HEATR1: variants seen among roughly 807,000 people sequenced by gnomAD.
HEATR1 encodes HEAT repeat containing 1, also known as HEAT repeat-containing protein 1.
Under a neutral mutation model 248.2 loss-of-function variants are expected in HEATR1, and 77 were observed. The observed-to-expected ratio is 0.31, with a 90% confidence interval of 0.26 to 0.37. HEATR1 has a LOEUF of 0.37. Among genes scored for constraint, HEATR1 ranks in the 10% least tolerant of loss-of-function variants. The pLI, the probability that HEATR1 is intolerant of heterozygous loss-of-function variation, is 1.00. For missense variants in HEATR1, 2,420 were observed against 2,504.9 expected (o/e 0.97, Z 0.72); for synonymous variants, 897 against 923.1 (o/e 0.97, Z 0.51).
At position 236,585,087 on chromosome 1, in the gene HEATR1, T is replaced by C; in HGVS notation, c.2179A>G (p.Ile727Val). ...TTCTGCAACAAACTGAAGACTCTTA[T>C]CGCAAATGGAAAGTGGGTTTCTTTT... is the stretch of plus-strand genomic sequence containing the variant. ...SLKETHFPFA[I>V]RVFSLLQKKI... The change falls in exon 17 of 45, where the codon ATA (isoleucine) becomes GTA (valine). Residue 727 changes from isoleucine to valine, a missense_variant. Physicochemically the swap from Ile to Val is conservative, Grantham distance 29. Coordinates refer to ENST00000366582, the MANE Select transcript of HEATR1 (RefSeq NM_018072.6). 3 of 1,614,056 alleles carry C rather than the reference T, an allele frequency of 1.9e-6. No homozygotes were observed. The highest frequency in any genetic ancestry group is 2.5e-6 in the Non-Finnish European group (3 of 1,179,926).
Position 236,592,649 on chromosome 1 carries a change from CAG to C in HEATR1, c.1194-18_1194-17del, listed in dbSNP as rs745434027. 5.6e-6 allele frequency: 5 copies of C among 900,592 alleles called. No individual in the cohort carries two copies. The highest frequency in any genetic ancestry group is 5.0e-5 in the African/African-American group (3 of 59,524). 55.8% of individuals were successfully genotyped at this position (900,592 alleles called of 1,614,324 possible). On this transcript the variant is annotated splice_polypyrimidine_tract_variant and intron_variant, in intron 9 of 44. Coordinates refer to ENST00000366582, the MANE Select transcript of HEATR1 (RefSeq NM_018072.6). ...AAATAGAAGGCTGTAAAAAAAAAAA[CAG>C]AAATATCAGCATACATAAGAGTTAC...
At chr1:236,603,886 A>T in intron 2 of HEATR1, 68 bp downstream of exon 2, 1 of 1,546,182 alleles carries the variant, frequency 6.5e-7, no homozygotes, top group Non-Finnish European at 8.7e-7. Flanking sequence ...CAAGGGGAAA[A>T]AAAAAAAACA....
intron 32 of HEATR1, 81 bp downstream of exon 32, chr1:236,564,417 C>T: frequency 1.6e-6 from 2 of 1,242,598 alleles, no homozygotes; most frequent in Non-Finnish European, 2.2e-6. Flanking sequence ...AGCCATTTAC[C>T]AAGCTACTTC....
rs1487156957 is a variant in HEATR1, at chr1:236,556,090, A to C, written c.5514+10T>G. 1 of 1,614,042 alleles carries C rather than the reference A, an allele frequency of 6.2e-7. No homozygotes were observed. Among genetic ancestry groups the C allele is most frequent in the African/African-American group, 1.3e-5 (1 of 74,916 alleles). On this transcript the variant is annotated intron_variant, in intron 38 of 44. Coordinates refer to ENST00000366582, the MANE Select transcript of HEATR1 (RefSeq NM_018072.6). The stretch of plus-strand genomic sequence containing the variant: ...CTTCTCCAAAGTCTTAATACCCAAT[A>C]AGATCTAACCTTCCAGTTCTTCTCA...
intron 17 of HEATR1, among the ~76,000 whole-genome samples, chr1:236,584,537 A>T (rs1415836813): frequency 6.6e-6 from 1 of 152,232 alleles, no homozygotes; most frequent in Non-Finnish European, 1.5e-5. Context: ...TGCTACCTCA[A>T]AACATGTCAA....
At chr1:236,579,141 G>A (rs754527119) in intron 20 of HEATR1, among the ~76,000 whole-genome samples, 1 of 152,142 alleles carries the variant, frequency 6.6e-6, no homozygotes, top group Non-Finnish European at 1.5e-5. Context: ...AATTTTCGGA[G>A]CACCAATATG....
At chr1:236,568,064 A>G (rs552796716) in intron 29 of HEATR1, among the ~76,000 whole-genome samples, 2 of 152,348 alleles carry the variant, frequency 1.3e-5, no homozygotes, top group African/African-American at 2.4e-5. Context: ...TCACCATTAC[A>G]TTCTTCAAAC....
intron 39 of HEATR1, 29 bp downstream of exon 39, chr1:236,555,776 A>C: frequency 6.2e-7 from 1 of 1,613,886 alleles, no homozygotes; most frequent in South Asian, 1.1e-5. Flanking sequence ...TAACAGCTTT[A>C]GGATTTGGAG....
rs1051631805 is a variant in HEATR1, at chr1:236,603,206, A to G, written c.313T>C (p.Phe105Leu). The G allele has an allele frequency of 1.9e-6, 3 of 1,614,160 alleles. No homozygotes were observed. The highest frequency in any genetic ancestry group is 1.7e-5 in the Admixed American group (1 of 60,014). The part of the protein sequence containing the change: ...SLFLIHLSPY[F>L]LLKPAQKCLE... ...CACTTCTGTGCTGGCTTAAGCAGGA[A>G]GTAAGGCGACAAGTGAATAAGGAAT... Residue 105 changes from phenylalanine to leucine, a missense_variant, in exon 3 of 45, where the codon TTC (phenylalanine) becomes CTC (leucine). Physicochemically the swap from Phe to Leu is conservative, Grantham distance 22 (BLOSUM62 0). Coordinates refer to ENST00000366582, the MANE Select transcript of HEATR1 (RefSeq NM_018072.6).
chr1:236,557,470 T>C (rs1663010222), intron 36 of HEATR1, 125 bp from the exon 37 acceptor site: 2 of 887,990 alleles, frequency 2.3e-6, no homozygotes, highest in African/African-American at 1.7e-5. Flanking sequence ...CTTCATAGCC[T>C]AAAAAGCAGT....
intron 19 of HEATR1, among the ~76,000 whole-genome samples, chr1:236,582,318 G>A (rs1663772758): frequency 6.6e-6 from 1 of 151,994 alleles, no homozygotes; most frequent in African/African-American, 2.4e-5. Context: ...ATGTTAGCCA[G>A]GATGGTCTCG....
At position 236,604,491 on chromosome 1, in the gene HEATR1, G is replaced by A. The variant is rs568659748; in HGVS notation, c.-102C>T. On this transcript the variant is annotated 5_prime_UTR_variant, in exon 1 of 45. Transcript: ENST00000366582. ...CACAGCGCTTCCCACATGGTACCAA[G>A]GAGCCCAACCCTCACCCGGAAACCT... The A allele has an allele frequency of 9.4e-5, 15 of 160,234 alleles. No individual in the cohort carries two copies. Among genetic ancestry groups the A allele is most frequent in the African/African-American group, 3.3e-4 (14 of 41,930 alleles). 9.9% of individuals were successfully genotyped at this position (160,234 alleles called of 1,614,324 possible).
In HEATR1 at chr1:236,582,824, T is replaced by C. The variant is rs761501312; in HGVS notation, c.2474A>G (p.Tyr825Cys). 4.1e-5 allele frequency: 66 copies of C among 1,613,768 alleles called. No individual in the cohort carries two copies. Among genetic ancestry groups the C allele is most frequent in the African/African-American group, 2.7e-5 (2 of 74,922 alleles). Residue 825 changes from tyrosine (Y) to cysteine (C), a missense_variant, in exon 19 of 45, where the codon TAT (tyrosine) becomes TGT (cysteine). Physicochemically the swap from Tyr to Cys is radical, Grantham distance 194. Coordinates refer to ENST00000366582, the MANE Select transcript of HEATR1 (RefSeq NM_018072.6). ...AAACAGCCCAATGAGCAAGTGCAGA[T>C]AGTCCCTGCTGTCTTCTTTCAGTTG... is the stretch of plus-strand genomic sequence containing the variant. The part of the protein sequence containing the change: ...PEQLKEDSRD[Y>C]LHLLIGLFEM...
In HEATR1 at chr1:236,586,480, GA is replaced by G. The variant is rs374385480; in HGVS notation, c.1716-29del. 4.4e-4 allele frequency: 673 copies of G among 1,522,076 alleles called. 1 individual carries two copies. The African/African-American group carries it at 8.3e-3, about 19-fold the overall frequency. The allele number at this position is 1,522,076 out of a possible 1,614,324, so 94.3% of individuals were successfully genotyped here. ...AAAAGACATGCAAGCACACTTGGTT[GA>G]AAGACACATTGGAAGGCTTCAATTG... On this transcript the variant is annotated intron_variant, in intron 14 of 44. Transcript: ENST00000366582.
chr1:236,595,869 A>G lies in HEATR1; in HGVS notation c.920T>C (p.Leu307Pro). ...GCTCTCTGGCTTCTGTCTCTGCAGG[A>G]GCACTATCAAGCAACTTAACCCATC... The part of the protein sequence containing the change: ...IKDGLSCLIV[L>P]LQRQKPESLG... Residue 307 changes from leucine (L) to proline (P), a missense_variant, in exon 7 of 45, where the codon CTC becomes CCC. Physicochemically the swap from Leu to Pro is moderately conservative, Grantham distance 98. Transcript: ENST00000366582. 1 of 1,614,052 alleles carries G rather than the reference A, an allele frequency of 6.2e-7. No individual in the cohort carries two copies. Among genetic ancestry groups the G allele is most frequent in the Non-Finnish European group, 8.5e-7 (1 of 1,179,944 alleles).
At chr1:236,588,261 G>A (rs1436425604) in intron 12 of HEATR1, among the ~76,000 whole-genome samples, 2 of 152,188 alleles carry the variant, frequency 1.3e-5, no homozygotes, top group Non-Finnish European at 2.9e-5. Context: ...CAAGTTTTCA[G>A]TGAAAATATA....
rs202240841 is a variant in HEATR1 at position 236,561,259 on chromosome 1, C to T, written c.4612G>A (p.Gly1538Ser). Residue 1538 changes from glycine (G) to serine (S), a missense_variant, in exon 33 of 45, where the codon GGT becomes AGT. Gly to Ser is a moderately conservative substitution (Grantham distance 56). Coordinates refer to ENST00000366582, the MANE Select transcript of HEATR1 (RefSeq NM_018072.6). ...AGGCCTTTTAAAATCTCAGGACCACCACTCTCAACTACCTAATTTTTAAAG... is the reference window on the plus strand; with the variant it reads ...AGGCCTTTTAAAATCTCAGGACCACTACTCTCAACTACCTAATTTTTAAAG... ...NNFLKKVVES[G>S]GPEILKGLEE... 1.9e-4 allele frequency: 307 copies of T among 1,610,202 alleles called. No individual in the cohort carries two copies. Among genetic ancestry groups the T allele is most frequent in the Non-Finnish European group, 2.3e-4 (265 of 1,176,784 alleles).
At chr1:236,585,789 T>C (rs1663869269) in intron 16 of HEATR1, 31 bp downstream of exon 16, 1 of 1,601,806 alleles carries the variant, frequency 6.2e-7, no homozygotes, top group Non-Finnish European at 8.5e-7. Flanking sequence ...GAGAAAGAAA[T>C]CCAGGGGGTG....
In HEATR1 at chr1:236,592,525, G is replaced by C. The variant is rs760284774; in HGVS notation, c.1302C>G (p.Ser434Arg). The change falls in exon 10 of 45, where the codon AGC becomes AGG. Residue 434 changes from serine (S) to arginine (R), a missense_variant and splice_region_variant. By Grantham distance (110) the Ser-to-Arg change is moderately radical. Coordinates refer to ENST00000366582, the MANE Select transcript of HEATR1 (RefSeq NM_018072.6). Reference sequence around the variant, plus strand: ...ATAAACATACACACGTAACTTACTTGCTTTCTAAAAGCCTAATGAGTGGAA... The same window carrying C: ...ATAAACATACACACGTAACTTACTTCCTTTCTAAAAGCCTAATGAGTGGAA... ...QFLPLIRLLE[S>R]KYPRTLDVVL... 1 of 1,262,814 alleles carries C rather than the reference G, an allele frequency of 7.9e-7. No homozygotes were observed. The highest frequency in any genetic ancestry group is 1.2e-5 in the South Asian group (1 of 81,084). 78.2% of individuals were successfully genotyped at this position (1,262,814 alleles called of 1,614,324 possible).
Sources: gnomAD v4.1 joint callset for allele counts (sites outside exome capture counted in the v4.1 genomes callset) on GRCh38, gnomAD v4.1.1 for gene constraint, MANE v1.5 for transcripts, NCBI Gene and HGNC (gene_info 2026-07-23, HGNC 2026-07-21) for gene names.